Variants in MEF2C observed in about 807,000 individuals in gnomAD.
MEF2C encodes the protein myocyte-specific enhancer factor 2C.
In MEF2C, 6 loss-of-function variants were observed where a neutral mutation model predicts 50.5. The observed-to-expected ratio is 0.12, with a 90% CI of 0.07 to 0.23. MEF2C has a LOEUF of 0.23. Ranked by LOEUF, MEF2C falls within the 10% of genes least tolerant of loss-of-function variation. MEF2C has a pLI of 1.00. For synonymous variants in MEF2C, 183 were observed against 228.0 expected (o/e 0.80, Z 1.78); for missense variants, 276 against 605.0 (o/e 0.46, Z 5.70).
intron 2 of MEF2C, among the ~76,000 whole-genome samples, chr5:88,811,295 T>C (rs917069884): frequency 1.3e-5 from 2 of 152,122 alleles, no homozygotes; most frequent in Non-Finnish European, 2.9e-5. Context: ...CATATGTCCA[T>C]GCGAAGAGGC....
intron 1 of MEF2C, among the ~76,000 whole-genome samples, chr5:88,866,428 C>G (rs72773818): frequency 0.04 from 6,033 of 152,054 alleles, 183 homozygotes; most frequent in South Asian, 0.058. Flanking sequence ...TCAGAAATAT[C>G]TGAGTCCCAT....
At chr5:88,803,173 G>A (rs1299844430) in intron 3 of MEF2C, among the ~76,000 whole-genome samples, 2 of 152,122 alleles carry the variant, frequency 1.3e-5, no homozygotes, top group Admixed American at 1.3e-4. Flanking sequence ...TAAATTTCAA[G>A]ATCAAGGCAA....
intron 1 of MEF2C, chr5:88,825,395 A>G: frequency 1.3e-6 from 1 of 746,784 alleles, no homozygotes; most frequent in South Asian, 6.0e-5. Flanking sequence ...CCTCTCTACT[A>G]AACTGCAGCT....
Position 88,750,543 on chromosome 5 carries a change from A to G in MEF2C, c.589+1314T>C, listed in dbSNP as rs139952763. 2.0e-4 allele frequency among the ~76,000 whole-genome samples: 31 copies of G among 152,238 alleles called. 1 individual carries two copies. The East Asian group carries it at 6.0e-3, about 29-fold the overall frequency. ...TTTAAGCAAATGTTTATTATTTCCA[A>G]TCAGATAATATTTTGGAAATACCGT... On this transcript the variant is annotated intron_variant, in intron 5 of 10. Coordinates refer to ENST00000504921, the MANE Select transcript of MEF2C (RefSeq NM_002397.5).
At chr5:88,825,619 A>G in intron 1 of MEF2C, 2 of 984,958 alleles carry the variant, frequency 2.0e-6, no homozygotes, top group Non-Finnish European at 2.4e-6. Flanking sequence ...GCATAATTGC[A>G]TCATATATTT....
intron 3 of MEF2C, chr5:88,768,627 T>C (rs1363339036): frequency 1.6e-5 from 15 of 948,950 alleles, no homozygotes; most frequent in Admixed American, 6.2e-5. Context: ...GGTCGGAACT[T>C]ACTAGATATT....
chr5:88,736,689 G>C (rs1764265442), intron 6 of MEF2C: 1 of 985,198 alleles, frequency 1.0e-6, no homozygotes, highest in African/African-American at 1.7e-5. Flanking sequence ...AAGTCTTTCT[G>C]AACTGCTACT....
At chr5:88,869,290 T>TAC (rs1828644059) in intron 1 of MEF2C, among the ~76,000 whole-genome samples, 1 of 63,968 alleles carries the variant, frequency 1.6e-5, no homozygotes, top group African/African-American at 7.4e-5. Flanking sequence ...TATATATATA[T>TAC]ATATACACAT....
At chr5:88,788,994 A>G (rs905927645) in intron 3 of MEF2C, among the ~76,000 whole-genome samples, 13 of 152,190 alleles carry the variant, frequency 8.5e-5, no homozygotes, top group Non-Finnish European at 1.8e-4. Context: ...ACTTTGGTCT[A>G]TTTTTCTATG....
chr5:88,746,827 G>A lies in MEF2C; in HGVS notation c.637+2243C>T, dbSNP rs1427048883. 1.4e-5 allele frequency: 4 copies of A among 292,086 alleles called. 1 individual carries two copies. The South Asian group carries it at 4.0e-4, about 29-fold the overall frequency. The allele number at this position is 292,086 out of a possible 1,614,324, so 18.1% of individuals were successfully genotyped here. On this transcript the variant is annotated intron_variant, in intron 6 of 10. Transcript: ENST00000504921. ...GGCATCTGCAACAGGTGTTCCTTGG[G>A]ACCAGAGTTAGAAAGGGCTTCTTCC...
chr5:88,869,296 C>CACATATATATATATATAT (rs1828682491), intron 1 of MEF2C, among the ~76,000 whole-genome samples: 8 of 104,864 alleles, frequency 7.6e-5, no homozygotes, highest in Non-Finnish European at 1.1e-4. Context: ...TATATATATA[C>CACATATATATATATATAT]ACATATATAT....
intron 2 of MEF2C, among the ~76,000 whole-genome samples, chr5:88,806,985 A>G (rs1800726930): frequency 6.6e-6 from 1 of 152,236 alleles, no homozygotes; most frequent in Non-Finnish European, 1.5e-5. Flanking sequence ...AAATCTTCAG[A>G]AAGATACAAT....
At chr5:88,782,122 T>C in intron 3 of MEF2C, 2 of 970,968 alleles carry the variant, frequency 2.1e-6, no homozygotes, top group Non-Finnish European at 2.4e-6. Context: ...TCTAAATTTA[T>C]AAGATTTTGA....
chr5:88,739,962 T>C (rs917900282), intron 6 of MEF2C: 2 of 984,934 alleles, frequency 2.0e-6, no homozygotes, highest in African/African-American at 3.5e-5. Context: ...TTAGGGAAAT[T>C]ATATAATAAT....
chr5:88,739,237 T>G (rs1355533076), intron 6 of MEF2C: 20 of 982,332 alleles, frequency 2.0e-5, no homozygotes, highest in Middle Eastern at 1.0e-3. Flanking sequence ...TTTTGAGGGA[T>G]TTGAAGCAAA....
In MEF2C at chr5:88,862,009, A is replaced by C. The variant is rs1301605558; in HGVS notation, c.-143+20946T>G. 3.3e-5 allele frequency among the ~76,000 whole-genome samples: 5 copies of C among 152,210 alleles called. No homozygotes were observed. The East Asian group carries it at 7.7e-4, about 23-fold the overall frequency. Reference sequence around the variant, plus strand: ...TCACTGGGAAATGGTATTAGTAAGCAGTGCAACCCAGTTCTTCCACCTCCC... The same window carrying C: ...TCACTGGGAAATGGTATTAGTAAGCCGTGCAACCCAGTTCTTCCACCTCCC... On this transcript the variant is annotated intron_variant, in intron 1 of 10. Transcript: ENST00000504921.
chr5:88,769,150 A>G (rs1481896697), intron 3 of MEF2C, among the ~76,000 whole-genome samples: 1 of 152,248 alleles, frequency 6.6e-6, no homozygotes, highest in Non-Finnish European at 1.5e-5. Context: ...AAACCTTTGT[A>G]GGAAAGAGCA....
intron 3 of MEF2C, among the ~76,000 whole-genome samples, chr5:88,779,587 A>C (rs184507457): frequency 6.9e-5 from 9 of 131,000 alleles, no homozygotes; most frequent in Non-Finnish European, 1.0e-4. Context: ...GAATATATGT[A>C]GGTTTGTGTA....
At position 88,721,555 on chromosome 5, in the gene MEF2C, A is replaced by G. The variant is rs1756358525; in HGVS notation, c.*1049T>C. On this transcript the variant is annotated 3_prime_UTR_variant, in exon 11 of 11. Transcript: ENST00000504921. ...CAAATATACCCCCCTCCCGCTATTA[A>G]GATAACAAAACTTCTGCTATTACCA... The G allele has an allele frequency of 6.6e-6, 1 of 152,632 alleles. No homozygotes were observed. The highest frequency in any genetic ancestry group is 1.5e-5 in the Non-Finnish European group (1 of 68,030). The allele number at this position is 152,632 out of a possible 1,614,324, so 9.5% of individuals were successfully genotyped here.
Sources: gnomAD v4.1 joint callset for allele counts (sites outside exome capture counted in the v4.1 genomes callset) on GRCh38, gnomAD v4.1.1 for gene constraint, MANE v1.5 for transcripts, NCBI Gene and HGNC (gene_info 2026-07-23, HGNC 2026-07-21) for gene names.